Variants in FNBP1L observed in about 807,000 individuals in gnomAD.
FNBP1L encodes the protein formin binding protein 1 like, also known as formin-binding protein 1-like.
Under a neutral mutation model 91.2 loss-of-function variants are expected in FNBP1L, and 36 were observed. The observed-to-expected ratio is 0.39, with a 90% CI of 0.30 to 0.52. The LOEUF (loss-of-function observed/expected upper bound fraction) is 0.52. Ranked by LOEUF, FNBP1L falls within the 20% of genes least tolerant of loss-of-function variation. FNBP1L has a pLI of 0.66. For synonymous variants in FNBP1L, 242 were observed against 237.0 expected (o/e 1.02, Z -0.19); for missense variants, 571 against 732.1 (o/e 0.78, Z 2.54).
chr1:93,535,536 TATTA>T (rs1204879961), intron 9 of FNBP1L, among the ~76,000 whole-genome samples: 3 of 152,118 alleles, frequency 2.0e-5, no homozygotes, highest in Non-Finnish European at 4.4e-5. Context: ...ACTCGTGTCT[TATTA>T]GTAAGGAGAA....
At chr1:93,512,761 G>A (rs1039017039) in intron 2 of FNBP1L, among the ~76,000 whole-genome samples, 65 of 152,010 alleles carry the variant, frequency 4.3e-4, no homozygotes, top group African/African-American at 7.7e-4. Context: ...TCTCTGGGAC[G>A]CATTCAAAGC....
intron 5 of FNBP1L, among the ~76,000 whole-genome samples, chr1:93,529,024 T>A (rs1480730189): frequency 6.6e-6 from 1 of 152,070 alleles, no homozygotes; most frequent in Non-Finnish European, 1.5e-5. Flanking sequence ...GGGTCTGGGC[T>A]GATGTTCTTC....
At chr1:93,467,286 T>C (rs551988090) in intron 1 of FNBP1L, among the ~76,000 whole-genome samples, 1 of 152,336 alleles carries the variant, frequency 6.6e-6, no homozygotes, top group South Asian at 2.1e-4. Context: ...GTTATACACA[T>C]ACAGTGAATA....
At position 93,507,099 on chromosome 1, in the gene FNBP1L, ACACACACACTCTCTCTCTCTCT is replaced by A. The variant is rs1308595440; in HGVS notation, c.140+7518_140+7539del. 6.0e-4 allele frequency among the ~76,000 whole-genome samples: 40 copies of A among 66,416 alleles called. No individual in the cohort carries two copies. In the East Asian group the frequency reaches 0.022, roughly 36 times the overall value. 43.6% of individuals were successfully genotyped at this position (66,416 alleles called of 152,430 possible). A position where few individuals can be genotyped will look rare whatever the true frequency, so the allele number is the denominator to read the frequency against. ...CACACACACACACACACACACACAC[ACACACACACTCTCTCTCTCTCT>A]CTCTCTCTCTCTCTCTCTCTCTCTC... On this transcript the variant is annotated intron_variant, in intron 2 of 16. Coordinates refer to ENST00000271234, the MANE Select transcript of FNBP1L (RefSeq NM_001164473.3).
At chr1:93,496,808 G>A (rs1483305420) in intron 1 of FNBP1L, among the ~76,000 whole-genome samples, 1 of 152,100 alleles carries the variant, frequency 6.6e-6, no homozygotes, top group Non-Finnish European at 1.5e-5. Flanking sequence ...TGGGATTATA[G>A]GCATGAGCCA....
intron 1 of FNBP1L, among the ~76,000 whole-genome samples, chr1:93,452,910 G>A (rs1668542086): frequency 6.6e-6 from 1 of 152,174 alleles, no homozygotes; most frequent in East Asian, 1.9e-4. Flanking sequence ...TGTTTGGTGA[G>A]ATTTATGAAG....
chr1:93,491,909 C>T (rs1455183874), intron 1 of FNBP1L, among the ~76,000 whole-genome samples: 1 of 152,074 alleles, frequency 6.6e-6, no homozygotes, highest in African/African-American at 2.4e-5. Context: ...AAATTTAAAA[C>T]TTTAAAAAAT....
At chr1:93,533,418 C>T (rs1671749665) in intron 8 of FNBP1L, among the ~76,000 whole-genome samples, 1 of 152,130 alleles carries the variant, frequency 6.6e-6, no homozygotes, top group South Asian at 2.1e-4. Context: ...TTGCCTTTAG[C>T]ACTTGAGCTG....
chr1:93,523,739 A>G (rs1343593320), intron 4 of FNBP1L, among the ~76,000 whole-genome samples: 1 of 152,198 alleles, frequency 6.6e-6, no homozygotes, highest in Non-Finnish European at 1.5e-5. Context: ...GCCACAGGCT[A>G]AGAATGATTT....
At chr1:93,521,132 A>G (rs1671308877) in intron 2 of FNBP1L, among the ~76,000 whole-genome samples, 2 of 152,172 alleles carry the variant, frequency 1.3e-5, no homozygotes, top group Non-Finnish European at 2.9e-5. Context: ...TCTGGCTCCA[A>G]AGTCCATATG....
intron 3 of FNBP1L, 77 bp downstream of exon 3, chr1:93,522,212 A>G (rs1671352805): frequency 1.5e-6 from 1 of 651,360 alleles, no homozygotes; most frequent in South Asian, 4.7e-5. Flanking sequence ...AGTAAGATAT[A>G]TTCTTAGCTT....
chr1:93,523,460 A>G lies in FNBP1L; in HGVS notation c.311A>G (p.Tyr104Cys), dbSNP rs577720157. The G allele has an allele frequency of 1.2e-6, 2 of 1,608,942 alleles. No individual in the cohort carries two copies. The highest frequency in any genetic ancestry group is 1.7e-6 in the Non-Finnish European group (2 of 1,177,598). Residue 104 changes from tyrosine to cysteine, a missense_variant, in exon 4 of 17, where the codon TAT becomes TGT. Coordinates refer to ENST00000271234, the MANE Select transcript of FNBP1L (RefSeq NM_001164473.3). Reference protein sequence around the residue: ...AHRVYGELMRYAHDLKTERKM... With the variant: ...AHRVYGELMRCAHDLKTERKM... ...AGAGTGTATGGTGAATTAATGAGAT[A>G]TGCTCATGATCTGAAAACTGAAAGA...
At chr1:93,471,826 G>A (rs1329051590) in intron 1 of FNBP1L, among the ~76,000 whole-genome samples, 1 of 152,156 alleles carries the variant, frequency 6.6e-6, no homozygotes, top group Non-Finnish European at 1.5e-5. Flanking sequence ...TTTGTTTTGT[G>A]TATTTTATAC....
intron 1 of FNBP1L, among the ~76,000 whole-genome samples, chr1:93,476,712 G>A (rs987387374): frequency 1.3e-5 from 2 of 151,922 alleles, no homozygotes; most frequent in Non-Finnish European, 2.9e-5. Flanking sequence ...CAGAGGGGGG[G>A]AGTTCAGAAA....
At chr1:93,515,959 C>G (rs1348287057) in intron 2 of FNBP1L, among the ~76,000 whole-genome samples, 1 of 151,952 alleles carries the variant, frequency 6.6e-6, no homozygotes, top group Non-Finnish European at 1.5e-5. Context: ...AATAATTGAC[C>G]TATTATCCTC....
At chr1:93,535,715 T>G (rs1251828603) in intron 9 of FNBP1L, among the ~76,000 whole-genome samples, 3 of 152,016 alleles carry the variant, frequency 2.0e-5, no homozygotes, top group Non-Finnish European at 4.4e-5. Flanking sequence ...CATGCTTTAT[T>G]TATGCTTTTA....
At chr1:93,516,353 A>C (rs1671114310) in intron 2 of FNBP1L, among the ~76,000 whole-genome samples, 1 of 152,126 alleles carries the variant, frequency 6.6e-6, no homozygotes. Context: ...TACCCCCTTT[A>C]CCTGTTAAAA....
intron 1 of FNBP1L, among the ~76,000 whole-genome samples, chr1:93,472,811 CAAAAAAAAAAAAAAAAAAAAA>C (rs57548632): frequency 8.5e-5 from 4 of 46,880 alleles, no homozygotes; most frequent in Admixed American, 3.9e-4. Context: ...GACTCCATCT[CAAAAAAAAAAAAAAAAAAAAA>C]AAAAAAAAAA....
At chr1:93,459,564 A>G (rs1335500450) in intron 1 of FNBP1L, among the ~76,000 whole-genome samples, 8 of 152,250 alleles carry the variant, frequency 5.3e-5, no homozygotes, top group Admixed American at 4.6e-4. Context: ...TACTAAAAAA[A>G]GGAAAGATAA....
Sources: gnomAD v4.1 joint callset for allele counts (sites outside exome capture counted in the v4.1 genomes callset) on GRCh38, gnomAD v4.1.1 for gene constraint, MANE v1.5 for transcripts, NCBI Gene and HGNC (gene_info 2026-07-23, HGNC 2026-07-21) for gene names.